EPHB1: variants seen among roughly 807,000 people sequenced by gnomAD.
The protein encoded by EPHB1 is EPH receptor B1.
Under a neutral mutation model 94.4 loss-of-function variants are expected in EPHB1, and 30 were observed. The ratio of observed to expected loss-of-function variants is 0.32; its 90% CI spans 0.24 to 0.43. The LOEUF (loss-of-function observed/expected upper bound fraction) is 0.43, where lower values mean the gene tolerates loss of function less well. EPHB1 is among the 20% of genes least tolerant of loss of function. The probability of loss-of-function intolerance (pLI) is 1.00; values close to 1 mark genes in which losing one functional copy is unlikely to be tolerated. For synonymous variants in EPHB1, 522 were observed against 489.1 expected, an observed-to-expected ratio of 1.07 and a Z score of -0.89; for missense variants, 1,055 against 1,308.3, an observed-to-expected ratio of 0.81 and a Z score of 2.99.
intron 13 of EPHB1, among the ~76,000 whole-genome samples, chr3:135,245,805 C>CAAAAA (rs34702210): frequency 8.6e-4 from 23 of 26,674 alleles, no homozygotes; most frequent in Non-Finnish European, 1.1e-3. Context: ...GACACCATCT[C>CAAAAA]AAAAAAAAAA....
At chr3:134,843,962 T>C (rs1291167870) in intron 1 of EPHB1, among the ~76,000 whole-genome samples, 2 of 152,128 alleles carry the variant, frequency 1.3e-5, no homozygotes, top group East Asian at 3.8e-4. Flanking sequence ...TTTGGATGTG[T>C]CATAATTTTC....
At chr3:134,808,803 A>T (rs1363131467) in intron 1 of EPHB1, among the ~76,000 whole-genome samples, 1 of 152,256 alleles carries the variant, frequency 6.6e-6, no homozygotes. Flanking sequence ...GAATAGGCAG[A>T]TAGCAGTGGT....
intron 15 of EPHB1, among the ~76,000 whole-genome samples, chr3:135,250,901 C>T (rs1055923162): frequency 3.9e-5 from 6 of 152,116 alleles, no homozygotes; most frequent in African/African-American, 1.4e-4. Flanking sequence ...CTGGGATTCC[C>T]TCCTTGCAGC....
chr3:134,900,108 T>G lies in EPHB1; in HGVS notation c.59-25708T>G, dbSNP rs532451602. Among the ~76,000 whole-genome samples the G allele has an allele frequency of 9.2e-5, 14 of 152,310 alleles. No homozygotes were observed. In the South Asian group the frequency reaches 1.9e-3, roughly 20 times the overall value. On this transcript the variant is annotated intron_variant, in intron 1 of 15. Transcript: ENST00000398015. ...TACTGAGGCTTTGGATTCTTGAGCCTTGGTTTCTCCTTCTATAGAAATGTG... is the reference window on the plus strand; with the variant it reads ...TACTGAGGCTTTGGATTCTTGAGCCGTGGTTTCTCCTTCTATAGAAATGTG...
At chr3:134,987,895 C>T (rs1156677426) in intron 3 of EPHB1, among the ~76,000 whole-genome samples, 1 of 152,174 alleles carries the variant, frequency 6.6e-6, no homozygotes, top group Non-Finnish European at 1.5e-5. Context: ...GACGCCCAGC[C>T]TCCAGAACTG....
chr3:135,246,961 T>A (rs559492592), intron 13 of EPHB1, among the ~76,000 whole-genome samples: 1 of 152,326 alleles, frequency 6.6e-6, no homozygotes, highest in South Asian at 2.1e-4. Context: ...AATACTCACT[T>A]TTTGACCAAT....
At chr3:135,235,007 TTC>T (rs67861074) in intron 12 of EPHB1, among the ~76,000 whole-genome samples, 7,315 of 152,296 alleles carry the variant, frequency 0.048, 306 homozygotes, top group East Asian at 0.21. Context: ...AATACCCCTC[TTC>T]TCTCCATACC....
chr3:134,894,780 G>C (rs894018954), intron 1 of EPHB1, among the ~76,000 whole-genome samples: 2 of 152,224 alleles, frequency 1.3e-5, no homozygotes, highest in Non-Finnish European at 2.9e-5. Flanking sequence ...CGTCCTCCTC[G>C]TGGTCACCTC....
At chr3:134,963,896 G>C (rs1421649591) in intron 3 of EPHB1, among the ~76,000 whole-genome samples, 2 of 152,208 alleles carry the variant, frequency 1.3e-5, no homozygotes, top group African/African-American at 4.8e-5. Context: ...CCATTGGTAA[G>C]GGATGAACCA....
In EPHB1 at chr3:134,988,277, G is replaced by A. The variant is rs539928711; in HGVS notation, c.805+36225G>A. ...CAAAAAGGAAAGACTAGAAAGTCCTGAACTCAGGGCTGGGCACAAAGGAGG... is the reference window on the plus strand; with the variant it reads ...CAAAAAGGAAAGACTAGAAAGTCCTAAACTCAGGGCTGGGCACAAAGGAGG... On this transcript the variant is annotated intron_variant, in intron 3 of 15. Coordinates refer to ENST00000398015, the MANE Select transcript of EPHB1 (RefSeq NM_004441.5). 4.4e-4 allele frequency among the ~76,000 whole-genome samples: 67 copies of A among 152,320 alleles called. 1 individual carries two copies. The highest frequency in any genetic ancestry group is 2.7e-3 in the South Asian group (13 of 4,828).
At chr3:134,871,182 C>T (rs1476253082) in intron 1 of EPHB1, among the ~76,000 whole-genome samples, 2 of 152,230 alleles carry the variant, frequency 1.3e-5, no homozygotes, top group Non-Finnish European at 2.9e-5. Context: ...AGCTGCAGCT[C>T]AAGGAACCTG....
intron 3 of EPHB1, among the ~76,000 whole-genome samples, chr3:135,065,427 G>C (rs1191947973): frequency 6.6e-6 from 1 of 152,154 alleles, no homozygotes; most frequent in Admixed American, 6.5e-5. Context: ...ATATTTTTCT[G>C]TTGGACAAGG....
chr3:135,075,044 C>T lies in EPHB1; in HGVS notation c.806-31404C>T, dbSNP rs187739487. 3.3e-5 allele frequency among the ~76,000 whole-genome samples: 5 copies of T among 152,210 alleles called. No homozygotes were observed. In the East Asian group the frequency reaches 9.7e-4, roughly 29 times the overall value. ...GTTTGGTGGGAGCAGGAGGTGCCAACCAGGTTAGGAAAGATTTCTGGGATT... is the reference window on the plus strand; with the variant it reads ...GTTTGGTGGGAGCAGGAGGTGCCAATCAGGTTAGGAAAGATTTCTGGGATT... On this transcript the variant is annotated intron_variant, in intron 3 of 15. Coordinates refer to ENST00000398015, the MANE Select transcript of EPHB1 (RefSeq NM_004441.5).
intron 3 of EPHB1, among the ~76,000 whole-genome samples, chr3:135,032,575 T>C (rs1346523182): frequency 2.0e-5 from 3 of 152,184 alleles, no homozygotes; most frequent in African/African-American, 7.2e-5. Flanking sequence ...CATCTCTTCA[T>C]ATTTTAGTGT....
At chr3:135,100,314 A>G (rs1024688333) in intron 3 of EPHB1, among the ~76,000 whole-genome samples, 5 of 152,134 alleles carry the variant, frequency 3.3e-5, no homozygotes, top group Non-Finnish European at 7.4e-5. Context: ...CGCACCCTCC[A>G]CATCTGAAAA....
chr3:135,047,854 G>A (rs1000820491), intron 3 of EPHB1, among the ~76,000 whole-genome samples: 17 of 152,166 alleles, frequency 1.1e-4, no homozygotes, highest in African/African-American at 3.9e-4. Context: ...GACAAATGGT[G>A]GAGATGATGC....
intron 12 of EPHB1, among the ~76,000 whole-genome samples, chr3:135,219,287 C>G (rs747161569): frequency 6.6e-6 from 1 of 152,140 alleles, no homozygotes; most frequent in Non-Finnish European, 1.5e-5. Flanking sequence ...GTCCTTACCT[C>G]TGGCACCTGT....
At chr3:134,979,543 T>C (rs1196061140) in intron 3 of EPHB1, among the ~76,000 whole-genome samples, 2 of 152,242 alleles carry the variant, frequency 1.3e-5, no homozygotes, top group African/African-American at 2.4e-5. Context: ...CTAAGCAAGT[T>C]ACACTTTCCC....
chr3:134,934,364 C>T (rs760189224), intron 2 of EPHB1, among the ~76,000 whole-genome samples: 1 of 152,226 alleles, frequency 6.6e-6, no homozygotes, highest in East Asian at 1.9e-4. Flanking sequence ...AGCAGGCCCT[C>T]CTCCAAGTGA....
Sources: gnomAD v4.1 joint callset for allele counts (sites outside exome capture counted in the v4.1 genomes callset) on GRCh38, gnomAD v4.1.1 for gene constraint, MANE v1.5 for transcripts, NCBI Gene and HGNC (gene_info 2026-07-23, HGNC 2026-07-21) for gene names.